Variants in ZFP69B observed in about 807,000 individuals in gnomAD.
The protein encoded by ZFP69B is zinc finger protein 69 homolog B.
Under a neutral mutation model 19.7 loss-of-function variants are expected in ZFP69B, and 20 were observed. That is an observed-to-expected ratio of 1.02 (90% CI 0.71 to 1.48). The LOEUF (loss-of-function observed/expected upper bound fraction) is 1.48. Ranked by LOEUF, ZFP69B falls within the 40% of genes most tolerant of loss-of-function variation. The pLI is 0.00. For missense variants in ZFP69B, 583 were observed against 632.6 expected, an observed-to-expected ratio of 0.92 and a Z score of 0.84; for synonymous variants, 220 against 222.7, an observed-to-expected ratio of 0.99 and a Z score of 0.11.
rs1645239305 is a variant in ZFP69B at position 40,457,002 on chromosome 1, C to T, written c.271C>T (p.Leu91=). 3.1e-6 allele frequency: 5 copies of T among 1,613,848 alleles called. No homozygotes were observed. Among genetic ancestry groups the T allele is most frequent in the East Asian group, 2.2e-5 (1 of 44,888 alleles). ...VDFTQEEWGQ[L]APAHRNLYRE... is the part of the protein sequence containing the mutation. ...CTTCACTCAGGAGGAGTGGGGGCAG[C>T]TGGCCCCTGCTCACCGGAATCTGTA... The change falls in exon 3 of 5, where the codon CTG becomes TTG. Residue 91 remains leucine, a synonymous_variant. Coordinates refer to ENST00000361584, the MANE Select transcript of ZFP69B (RefSeq NM_023070.3).
At chr1:40,455,712 C>T (rs1297149342) in intron 2 of ZFP69B, among the ~76,000 whole-genome samples, 1 of 152,108 alleles carries the variant, frequency 6.6e-6, no homozygotes, top group Non-Finnish European at 1.5e-5. Context: ...CACCCATCAA[C>T]CCGTCATCTA....
At position 40,450,982 on chromosome 1, in the gene ZFP69B, C is replaced by T. The variant is rs768071781; in HGVS notation, c.21C>T (p.Ile7=). The part of the protein sequence containing the change: MLQQLL[I]TLPTEASTWV... ...CCGTCATGCTGCAGCAGCTCCTGAT[C>T]ACCCTGCCCACCGAGGCCAGCACCT... Residue 7 remains isoleucine (I), a synonymous_variant, in exon 1 of 5, where the codon ATC becomes ATT. Transcript: ENST00000361584. 1.6e-5 allele frequency: 25 copies of T among 1,549,786 alleles called. No homozygotes were observed. In the Admixed American group the frequency reaches 4.3e-4, roughly 27 times the overall value.
At chr1:40,461,794 C>A (rs1209023412) in intron 4 of ZFP69B, among the ~76,000 whole-genome samples, 1 of 151,030 alleles carries the variant, frequency 6.6e-6, no homozygotes, top group African/African-American at 2.4e-5. Context: ...GAGACCCTGT[C>A]AAAAAAAAAT....
chr1:40,458,086 C>T (rs1234582432), intron 4 of ZFP69B, among the ~76,000 whole-genome samples: 1 of 152,122 alleles, frequency 6.6e-6, no homozygotes, highest in Admixed American at 6.6e-5. Context: ...CTCTGTAAGT[C>T]CCACATTAGC....
chr1:40,462,062 TTTTGTTTGTTTG>T (rs138830380), intron 4 of ZFP69B, among the ~76,000 whole-genome samples: 5 of 150,892 alleles, frequency 3.3e-5, no homozygotes, highest in Admixed American at 1.3e-4. Context: ...TGCCTGGTTT[TTTTGTTTGTTTG>T]TTTGTTTGTT....
intron 4 of ZFP69B, among the ~76,000 whole-genome samples, chr1:40,461,078 G>A (rs1402457851): frequency 2.0e-5 from 3 of 149,772 alleles, no homozygotes; most frequent in Admixed American, 6.7e-5. Flanking sequence ...TCTGGGAGGC[G>A]GAGGTTGCAG....
intron 4 of ZFP69B, among the ~76,000 whole-genome samples, chr1:40,461,997 G>C (rs1240297433): frequency 6.6e-6 from 1 of 152,130 alleles, no homozygotes; most frequent in African/African-American, 2.4e-5. Flanking sequence ...GAGATGTGAA[G>C]TGATCCTCCC....
intron 3 of ZFP69B, 133 bp from the exon 4 acceptor site, chr1:40,457,211 T>C (rs1003132407): frequency 1.4e-6 from 2 of 1,462,942 alleles, no homozygotes; most frequent in Admixed American, 3.8e-5. Context: ...AGGATTGCTA[T>C]GCTCTTTTCT....
chr1:40,450,377 C>T (rs890980010), upstream of ZFP69B, among the ~76,000 whole-genome samples: 1 of 152,158 alleles, frequency 6.6e-6, no homozygotes, highest in South Asian at 2.1e-4. Context: ...CGGGGTCTAG[C>T]GGTTTCGCGG....
chr1:40,450,937 C>T lies in ZFP69B; in HGVS notation c.-25C>T. On this transcript the variant is annotated 5_prime_UTR_variant, in exon 1 of 5. Transcript: ENST00000361584. ...GCCCTATGGGCTAAGACAGAGGGTC[C>T]TCAGAAAGGAGTGCGGACGCCGTCA... The T allele has an allele frequency of 1.3e-6, 2 of 1,534,270 alleles. No homozygotes were observed. The highest frequency in any genetic ancestry group is 1.9e-4 in the Middle Eastern group (1 of 5,238).
upstream of ZFP69B, chr1:40,450,292 A>G (rs953947269): frequency 2.6e-5 from 4 of 152,220 alleles, no homozygotes; most frequent in African/African-American, 7.2e-5. Context: ...GTGCTCAGAC[A>G]AAGGCTGGGA....
intron 2 of ZFP69B, 99 bp from the exon 3 acceptor site, chr1:40,456,846 A>G: frequency 6.9e-7 from 1 of 1,449,748 alleles, no homozygotes; most frequent in Non-Finnish European, 9.4e-7. Context: ...TTAGCAAGAC[A>G]GTATCCAGGA....
At position 40,450,936 on chromosome 1, in the gene ZFP69B, C is replaced by T; in HGVS notation, c.-26C>T. On this transcript the variant is annotated 5_prime_UTR_variant, in exon 1 of 5. Coordinates refer to ENST00000361584, the MANE Select transcript of ZFP69B (RefSeq NM_023070.3). ...AGCCCTATGGGCTAAGACAGAGGGT[C>T]CTCAGAAAGGAGTGCGGACGCCGTC... 2.0e-6 allele frequency: 3 copies of T among 1,534,308 alleles called. No homozygotes were observed. The highest frequency in any genetic ancestry group is 2.6e-6 in the Non-Finnish European group (3 of 1,139,004).
chr1:40,451,023 A>G lies in ZFP69B; in HGVS notation c.62A>G (p.His21Arg), dbSNP rs1362779843. ...GCCAGCACCTGGGTGAAGTTGCGTCATCCAAAGGCGGCCACGGAGCGGGTG... is the reference window on the plus strand; with the variant it reads ...GCCAGCACCTGGGTGAAGTTGCGTCGTCCAAAGGCGGCCACGGAGCGGGTG... ...TEASTWVKLR[H>R]PKAATERVAL... The change falls in exon 1 of 5, where the codon CAT becomes CGT. Residue 21 changes from histidine to arginine, a missense_variant. Coordinates refer to ENST00000361584, the MANE Select transcript of ZFP69B (RefSeq NM_023070.3). 6.4e-7 allele frequency: 1 copy of G among 1,550,698 alleles called. No homozygotes were observed. Among genetic ancestry groups the G allele is most frequent in the South Asian group, 1.2e-5 (1 of 83,870 alleles).
Position 40,462,735 on chromosome 1 carries a change from C to T in ZFP69B, c.751C>T (p.Arg251Cys), listed in dbSNP as rs955594442. ...AATAGGTCTTCCAAGAAAAAGAGAT[C>T]GTAAATATGACACACCTGGAAAGAG... ...GPIGLPRKRDRKYDTPGKRSR... is the reference protein window; with the variant it reads ...GPIGLPRKRDCKYDTPGKRSR... The change falls in exon 5 of 5, where the codon CGT becomes TGT. Residue 251 changes from arginine to cysteine, a missense_variant. By Grantham distance (180) the Arg-to-Cys change is radical. Coordinates refer to ENST00000361584, the MANE Select transcript of ZFP69B (RefSeq NM_023070.3). The T allele has an allele frequency of 3.1e-6, 5 of 1,613,888 alleles. No individual in the cohort carries two copies. The highest frequency in any genetic ancestry group is 3.4e-6 in the Non-Finnish European group (4 of 1,179,994).
At chr1:40,456,230 A>G (rs1187716286) in intron 2 of ZFP69B, among the ~76,000 whole-genome samples, 1 of 152,204 alleles carries the variant, frequency 6.6e-6, no homozygotes, top group Non-Finnish European at 1.5e-5. Context: ...CCAACAGTGT[A>G]ACAGCATTCC....
chr1:40,456,506 A>T (rs1645234236), intron 2 of ZFP69B, among the ~76,000 whole-genome samples: 1 of 152,220 alleles, frequency 6.6e-6, no homozygotes, highest in Admixed American at 6.5e-5. Context: ...CTGTTCTCTC[A>T]TACTTTTATT....
chr1:40,463,218 A>T lies in ZFP69B; in HGVS notation c.1234A>T (p.Ile412Phe), dbSNP rs375172553. 10 of 1,614,226 alleles carry T rather than the reference A, an allele frequency of 6.2e-6. No homozygotes were observed. Among genetic ancestry groups the T allele is most frequent in the Non-Finnish European group, 8.5e-6 (10 of 1,180,028 alleles). The change falls in exon 5 of 5, where the codon ATT becomes TTT. Residue 412 changes from isoleucine to phenylalanine, a missense_variant. Transcript: ENST00000361584. The stretch of plus-strand genomic sequence containing the variant: ...TAGACACCTTAGGCAACATGAGATT[A>T]TTCATACTGGTGTGAAACCCTATAT... ...QIRHLRQHEIIHTGVKPYICN... is the reference protein window; with the variant it reads ...QIRHLRQHEIFHTGVKPYICN...
At chr1:40,459,817 T>G (rs984832748) in intron 4 of ZFP69B, among the ~76,000 whole-genome samples, 8 of 152,186 alleles carry the variant, frequency 5.3e-5, no homozygotes, top group African/African-American at 1.7e-4. Context: ...AAGCTATTTC[T>G]GAGCACTTTT....
Sources: allele counts gnomAD v4.1 joint callset (sites outside exome capture counted in the v4.1 genomes callset), GRCh38; gene constraint gnomAD v4.1.1; transcripts MANE v1.5; gene names NCBI Gene and HGNC (gene_info 2026-07-23, HGNC 2026-07-21).